FAM135A: variants seen among roughly 807,000 people sequenced by gnomAD.
The protein encoded by FAM135A is family with sequence similarity 135 member A.
FAM135A carries 79 observed loss-of-function variants against 146.8 expected under a neutral mutation model. The observed-to-expected ratio is 0.54, with a 90% CI of 0.45 to 0.65. FAM135A has a LOEUF of 0.65. Ranked by LOEUF, FAM135A falls within the 30% of genes least tolerant of loss-of-function variation. The pLI, the probability that FAM135A is intolerant of heterozygous loss-of-function variation, is 0.00. For missense variants in FAM135A, 1,623 were observed against 1,758.2 expected, an observed-to-expected ratio of 0.92 and a Z score of 1.38; for synonymous variants, 562 against 603.6, an observed-to-expected ratio of 0.93 and a Z score of 1.01.
At chr6:70,477,016 A>G in intron 7 of FAM135A, 143 bp from the exon 8 acceptor site, 1 of 790,194 alleles carries the variant, frequency 1.3e-6, no homozygotes, top group Non-Finnish European at 1.9e-6. Flanking sequence ...CTTCTAATGC[A>G]ACTTTGATGC....
intron 5 of FAM135A, among the ~76,000 whole-genome samples, chr6:70,457,872 A>AT (rs1778669942): frequency 6.6e-6 from 1 of 151,404 alleles, no homozygotes; most frequent in Non-Finnish European, 1.5e-5. Flanking sequence ...TGGGTACTTA[A>AT]TTTTTTTTTC....
intron 20 of FAM135A, among the ~76,000 whole-genome samples, chr6:70,547,011 T>C (rs1798973212): frequency 6.6e-6 from 1 of 152,208 alleles, no homozygotes. Flanking sequence ...TGACATTCCA[T>C]AATGAGGGCT....
chr6:70,441,440 C>G (rs1774452258), intron 4 of FAM135A, among the ~76,000 whole-genome samples: 1 of 151,956 alleles, frequency 6.6e-6, no homozygotes, highest in African/African-American at 2.4e-5. Context: ...TTAGAGGGAG[C>G]CCTTCAGGTT....
At chr6:70,503,326 G>C (rs945274993) in intron 12 of FAM135A, 1 of 152,120 alleles carries the variant, frequency 6.6e-6, no homozygotes, top group African/African-American at 2.4e-5. Context: ...GAGGTTTTAC[G>C]TGTTAAATAA....
intron 20 of FAM135A, 99 bp downstream of exon 20, chr6:70,538,500 A>G: frequency 1.6e-6 from 1 of 608,512 alleles, no homozygotes. Context: ...CTAGTGGTTA[A>G]AAAAAAGTGT....
chr6:70,459,146 T>C (rs1778935655), intron 5 of FAM135A, among the ~76,000 whole-genome samples: 1 of 152,206 alleles, frequency 6.6e-6, no homozygotes, highest in South Asian at 2.1e-4. Context: ...TGGATTTTTC[T>C]CTATGCTTTT....
intron 10 of FAM135A, 71 bp downstream of exon 10, chr6:70,482,225 AGC>A: frequency 6.8e-7 from 1 of 1,476,460 alleles, no homozygotes; most frequent in Non-Finnish European, 9.1e-7. Flanking sequence ...GCTAGCTATC[AGC>A]TTTGCCATAG....
At chr6:70,482,278 C>T (rs1320783257) in intron 10 of FAM135A, 124 bp downstream of exon 10, 1 of 866,662 alleles carries the variant, frequency 1.2e-6, no homozygotes, top group Admixed American at 3.5e-5. Context: ...TGCTTCACTT[C>T]TCTATCAATT....
chr6:70,458,617 T>G (rs866570455), intron 5 of FAM135A, among the ~76,000 whole-genome samples: 10 of 152,182 alleles, frequency 6.6e-5, no homozygotes, highest in Non-Finnish European at 1.0e-4. Context: ...TCTGGTAAAG[T>G]ATCAAGTATT....
intron 20 of FAM135A, among the ~76,000 whole-genome samples, chr6:70,540,590 G>T (rs760397417): frequency 1.9e-4 from 29 of 152,118 alleles, no homozygotes; most frequent in Non-Finnish European, 4.1e-4. Context: ...CTCCTAAAGT[G>T]CTGGGATTAC....
chr6:70,545,573 G>A (rs1798706339), intron 20 of FAM135A, among the ~76,000 whole-genome samples: 2 of 152,046 alleles, frequency 1.3e-5, no homozygotes, highest in South Asian at 2.1e-4. Context: ...CCGGGATCCT[G>A]CCACTATACT....
chr6:70,522,519 A>T lies in FAM135A; in HGVS notation c.1036A>T (p.Arg346Ter). 1 of 1,612,828 alleles carries T rather than the reference A, an allele frequency of 6.2e-7. No homozygotes were observed. The highest frequency in any genetic ancestry group is 8.5e-7 in the Non-Finnish European group (1 of 1,179,150). ...AQEHHTLRVR[R>*]FSEAFFCFEH... ...CTCCTTTGGAATTTTTTAGGTACGC[A>T]GATTTTCTGAGGCATTCTTTTGTTT... is the stretch of plus-strand genomic sequence containing the variant. The change falls in exon 13 of 22, where the codon AGA becomes TGA. Residue 346 changes from arginine to a stop codon, truncating the protein, a stop_gained. Coordinates refer to ENST00000418814, the MANE Select transcript of FAM135A (RefSeq NM_001162529.3). LOFTEE classifies it high-confidence loss of function.
At position 70,528,492 on chromosome 6, in the gene FAM135A, A is replaced by G. The variant is rs750875370; in HGVS notation, c.3775+40A>G. The G allele has an allele frequency of 7.0e-7, 1 of 1,423,256 alleles. No homozygotes were observed. Among genetic ancestry groups the G allele is most frequent in the Non-Finnish European group, 9.2e-7 (1 of 1,082,950 alleles). 88.2% of individuals were successfully genotyped at this position (1,423,256 alleles called of 1,614,324 possible). A position where few individuals can be genotyped will look rare whatever the true frequency, so the allele number is the denominator to read the frequency against. On this transcript the variant is annotated intron_variant, in intron 16 of 21. Transcript: ENST00000418814. ...TGGATGTAACCCAGAGCAACTCAAT[A>G]TATTTTTTTCCTAATAGATCTCATT...
At chr6:70,436,153 C>T (rs1239312512) in intron 4 of FAM135A, among the ~76,000 whole-genome samples, 3 of 147,498 alleles carry the variant, frequency 2.0e-5, no homozygotes, top group Admixed American at 6.8e-5. Context: ...CACTGCACTC[C>T]AGCCTGGGTG....
At chr6:70,420,934 G>A (rs1768686383) in intron 2 of FAM135A, among the ~76,000 whole-genome samples, 1 of 151,488 alleles carries the variant, frequency 6.6e-6, no homozygotes, top group South Asian at 2.1e-4. Flanking sequence ...CCAGGCTGGA[G>A]TGTGTGGCGT....
At chr6:70,477,701 C>A (rs981979360) in intron 8 of FAM135A, among the ~76,000 whole-genome samples, 3 of 152,158 alleles carry the variant, frequency 2.0e-5, no homozygotes, top group Non-Finnish European at 4.4e-5. Flanking sequence ...AATCACCTCC[C>A]ACCAGGCCCC....
At chr6:70,454,144 T>G (rs1190405592) in intron 5 of FAM135A, among the ~76,000 whole-genome samples, 4 of 152,332 alleles carry the variant, frequency 2.6e-5, no homozygotes, top group East Asian at 1.9e-4. Context: ...ATTTGCATTT[T>G]TCTGATGACC....
At chr6:70,524,152 T>C (rs1465830303) in intron 14 of FAM135A, 31 bp downstream of exon 14, 2 of 1,568,312 alleles carry the variant, frequency 1.3e-6, no homozygotes, top group African/African-American at 2.7e-5. Flanking sequence ...ATATACAAGC[T>C]ATGTGTATAG....
intron 5 of FAM135A, among the ~76,000 whole-genome samples, chr6:70,455,579 AT>A (rs759436094): frequency 2.3e-4 from 35 of 152,288 alleles, no homozygotes; most frequent in African/African-American, 8.4e-4. Flanking sequence ...CATAGAGGTA[AT>A]AAAACAAGGT....
Sources: gnomAD v4.1 joint callset for allele counts (sites outside exome capture counted in the v4.1 genomes callset) on GRCh38, gnomAD v4.1.1 for gene constraint, MANE v1.5 for transcripts, NCBI Gene and HGNC (gene_info 2026-07-23, HGNC 2026-07-21) for gene names.